The following PCDH7 variants were observed in gnomAD, a reference collection of about 807,000 sequenced individuals.
PCDH7 encodes protocadherin 7.
PCDH7 carries 17 observed loss-of-function variants against 58.9 expected under a neutral mutation model. The ratio of observed to expected loss-of-function variants is 0.29; its 90% CI spans 0.20 to 0.43. The LOEUF (loss-of-function observed/expected upper bound fraction) is 0.43, where lower values mean the gene tolerates loss of function less well. Ranked by LOEUF, PCDH7 falls within the 20% of genes least tolerant of loss-of-function variation. The pLI, the probability that PCDH7 is intolerant of heterozygous loss-of-function variation, is 1.00. For missense variants in PCDH7, 1,274 were observed against 1,441.0 expected, an observed-to-expected ratio of 0.88 and a Z score of 1.88; for synonymous variants, 664 against 616.4, an observed-to-expected ratio of 1.08 and a Z score of -1.14.
intron 3 of PCDH7, among the ~76,000 whole-genome samples, chr4:31,131,803 T>C (rs937929372): frequency 2.6e-5 from 4 of 152,208 alleles, no homozygotes; most frequent in Non-Finnish European, 5.9e-5. Context: ...TTGAATATGA[T>C]TTGAAAATAG....
chr4:30,882,655 TC>T, intron 1 of PCDH7, among the ~76,000 whole-genome samples: 1 of 152,314 alleles, frequency 6.6e-6, no homozygotes, highest in Non-Finnish European at 1.5e-5. Context: ...TTCTATCATC[TC>T]TATGTGTTAG....
chr4:31,016,786 T>A (rs924883919), intron 3 of PCDH7, among the ~76,000 whole-genome samples: 1 of 150,988 alleles, frequency 6.6e-6, no homozygotes, highest in East Asian at 1.9e-4. Flanking sequence ...AGGGCTATTG[T>A]GTGTGTGTGT....
rs151046236 is a variant in PCDH7 at position 30,750,621 on chromosome 4, C to T, written c.70+26025C>T. The stretch of plus-strand genomic sequence containing the variant: ...TTCCTAGAGATATTTTGTGTTTGCT[C>T]ACCATAATAAAACAGTGCATTTGTT... On this transcript the variant is annotated intron_variant, in intron 1 of 3. Coordinates refer to the PCDH7 transcript ENST00000509759. Among the ~76,000 whole-genome samples, 554 of 152,172 alleles carry T rather than the reference C, an allele frequency of 3.6e-3. 2 individuals are homozygous for T. Among genetic ancestry groups the T allele is most frequent in the African/African-American group, 0.013 (532 of 41,514 alleles).
chr4:30,757,322 T>C (rs1206776908), intron 1 of PCDH7, among the ~76,000 whole-genome samples: 1 of 152,206 alleles, frequency 6.6e-6, no homozygotes, highest in Admixed American at 6.5e-5. Context: ...CTTTCTGGAT[T>C]GTCCAAGTTG....
intron 3 of PCDH7, among the ~76,000 whole-genome samples, chr4:31,048,137 G>A (rs192169359): frequency 1.3e-5 from 2 of 151,704 alleles, no homozygotes; most frequent in Non-Finnish European, 2.9e-5. Flanking sequence ...TTAAAGATTG[G>A]TACAGTAAAT....
chr4:30,949,558 T>C (rs1399715506), intron 2 of PCDH7, among the ~76,000 whole-genome samples: 1 of 152,138 alleles, frequency 6.6e-6, no homozygotes, highest in Non-Finnish European at 1.5e-5. Context: ...TTAAAAACTT[T>C]TATTAGTTTG....
intron 1 of PCDH7, among the ~76,000 whole-genome samples, chr4:30,749,602 T>G (rs1179048625): frequency 6.6e-6 from 1 of 152,136 alleles, no homozygotes; most frequent in Non-Finnish European, 1.5e-5. Context: ...CAATACAATA[T>G]GCCTGCAACA....
chr4:31,000,658 C>G (rs547421886), intron 3 of PCDH7, among the ~76,000 whole-genome samples: 1 of 152,144 alleles, frequency 6.6e-6, no homozygotes, highest in South Asian at 2.1e-4. Context: ...TTTTTTCCCT[C>G]TATTCCTCAA....
In PCDH7 at chr4:30,894,516, TACACACACAC is replaced by T. The variant is rs55942705; in HGVS notation, c.71-25603_71-25594del. On this transcript the variant is annotated intron_variant, in intron 1 of 3. Transcript: ENST00000509759. ...ATATATATATATATATATATATATA[TACACACACAC>T]ACACACACACACACACACACACACA... Among the ~76,000 whole-genome samples the T allele has an allele frequency of 7.6e-3, 244 of 32,094 alleles. 6 individuals are homozygous for T. The highest frequency in any genetic ancestry group is 0.017 in the Admixed American group (32 of 1,846). The allele number at this position is 32,094 out of a possible 152,430, so 21.1% of individuals were successfully genotyped here. A position where few individuals can be genotyped will look rare whatever the true frequency, so the allele number is the denominator to read the frequency against.
chr4:30,821,529 G>A (rs1331580471), intron 1 of PCDH7, among the ~76,000 whole-genome samples: 1 of 152,194 alleles, frequency 6.6e-6, no homozygotes, highest in Non-Finnish European at 1.5e-5. Flanking sequence ...GCCTTCTCAA[G>A]GTCTCGTTCA....
intron 3 of PCDH7, among the ~76,000 whole-genome samples, chr4:31,014,822 A>G (rs552461938): frequency 7.2e-5 from 11 of 152,184 alleles, no homozygotes; most frequent in Middle Eastern, 3.4e-3. Context: ...CTCTCCAGCC[A>G]CTCATTCACT....
intron 3 of PCDH7, among the ~76,000 whole-genome samples, chr4:31,078,341 G>C: frequency 6.6e-6 from 1 of 152,046 alleles, no homozygotes; most frequent in East Asian, 1.9e-4. Context: ...AGAGTGCAGT[G>C]GTTCAATAAT....
At chr4:31,120,812 T>C (rs1717603670) in intron 3 of PCDH7, among the ~76,000 whole-genome samples, 1 of 152,198 alleles carries the variant, frequency 6.6e-6, no homozygotes, top group Non-Finnish European at 1.5e-5. Flanking sequence ...GATTAGCTAG[T>C]TGAACAAATC....
chr4:30,839,047 T>C (rs572083375), intron 1 of PCDH7, among the ~76,000 whole-genome samples: 1 of 152,090 alleles, frequency 6.6e-6, no homozygotes, highest in South Asian at 2.1e-4. Flanking sequence ...TGAAAGGGCA[T>C]CCTGAATTTA....
rs879232921 is a variant in PCDH7, at chr4:31,114,772, C to G, written c.*8-27701C>G. Among the ~76,000 whole-genome samples the G allele has an allele frequency of 1.1e-4, 16 of 152,032 alleles. No individual in the cohort carries two copies. In the South Asian group the frequency reaches 3.3e-3, roughly 32 times the overall value. On this transcript the variant is annotated intron_variant, in intron 3 of 3. Coordinates refer to the PCDH7 transcript ENST00000509759. ...AGGTGAACATATACAGCTAATACAA[C>G]AAGCAAAATTCCTGTTATTTAATCA...
intron 2 of PCDH7, among the ~76,000 whole-genome samples, chr4:30,930,769 A>C (rs758860271): frequency 8.3e-6 from 1 of 120,048 alleles, no homozygotes; most frequent in Non-Finnish European, 1.7e-5. Context: ...CTGTCTCTGC[A>C]AAAAAAAAAA....
chr4:30,995,981 A>C (rs570922149), intron 3 of PCDH7, among the ~76,000 whole-genome samples: 1 of 152,286 alleles, frequency 6.6e-6, no homozygotes, highest in East Asian at 1.9e-4. Flanking sequence ...AACCTAATGT[A>C]TTCACAGGTT....
At chr4:31,083,046 T>G (rs2109272198) in intron 3 of PCDH7, among the ~76,000 whole-genome samples, 1 of 152,194 alleles carries the variant, frequency 6.6e-6, no homozygotes, top group East Asian at 1.9e-4. Context: ...AGGTGGAGCT[T>G]GCAATGAGCG....
At chr4:31,066,468 T>G (rs772975399) in intron 3 of PCDH7, among the ~76,000 whole-genome samples, 1 of 151,976 alleles carries the variant, frequency 6.6e-6, no homozygotes, top group Non-Finnish European at 1.5e-5. Flanking sequence ...CTCTTCACAC[T>G]TAATGCAAAC....
Sources: gnomAD v4.1 joint callset for allele counts (sites outside exome capture counted in the v4.1 genomes callset) on GRCh38, gnomAD v4.1.1 for gene constraint, MANE v1.5 for transcripts, NCBI Gene and HGNC (gene_info 2026-07-23, HGNC 2026-07-21) for gene names.